The following SYNE2 variants were observed in gnomAD, a reference collection of about 807,000 sequenced individuals.
SYNE2 encodes the protein nesprin-2.
Under a neutral mutation model 856.3 loss-of-function variants are expected in SYNE2, and 431 were observed. The ratio of observed to expected loss-of-function variants is 0.50; its 90% CI spans 0.47 to 0.55. The LOEUF (loss-of-function observed/expected upper bound fraction) is 0.55. SYNE2 is among the 20% of genes least tolerant of loss of function. The pLI, the probability that SYNE2 is intolerant of heterozygous loss-of-function variation, is 0.00. For synonymous variants in SYNE2, 2,923 were observed against 2,872.3 expected (o/e 1.02, Z -0.56); for missense variants, 8,129 against 8,023.2 (o/e 1.01, Z -0.50).
intron 54 of SYNE2, 98 bp from the exon 55 acceptor site, chr14:64,078,368 C>A: frequency 6.5e-7 from 1 of 1,535,186 alleles, no homozygotes; most frequent in Non-Finnish European, 8.9e-7. Context: ...AAAATTTTTA[C>A]AAGTTAAAAC....
At chr14:63,872,082 G>A (rs1223046656) in intron 1 of SYNE2, among the ~76,000 whole-genome samples, 1 of 152,092 alleles carries the variant, frequency 6.6e-6, no homozygotes, top group Non-Finnish European at 1.5e-5. Context: ...GCCCGGCCGT[G>A]TCAAGTTGTA....
At chr14:63,964,381 A>G (rs1374500445) in intron 10 of SYNE2, among the ~76,000 whole-genome samples, 1 of 152,224 alleles carries the variant, frequency 6.6e-6, no homozygotes. Context: ...GCCAGTCACT[A>G]CTTTCACACT....
chr14:64,087,496 T>A, intron 57 of SYNE2, 175 bp from the exon 58 acceptor site: 1 of 784,254 alleles, frequency 1.3e-6, no homozygotes, highest in Non-Finnish European at 2.3e-6. Flanking sequence ...AGGTAGATAC[T>A]CTGAAGTCTT....
chr14:63,992,845 C>T (rs758326763), intron 21 of SYNE2, among the ~76,000 whole-genome samples: 7 of 152,120 alleles, frequency 4.6e-5, no homozygotes, highest in Non-Finnish European at 1.0e-4. Context: ...TGGAGGAGAG[C>T]CCTGGAGCTC....
intron 2 of SYNE2, among the ~76,000 whole-genome samples, chr14:63,912,140 AC>A (rs949038883): frequency 6.6e-6 from 1 of 152,176 alleles, no homozygotes; most frequent in African/African-American, 2.4e-5. Context: ...AAGTTCCCAT[AC>A]CTATAAGATG....
chr14:63,913,149 G>A (rs1311939700), intron 2 of SYNE2, among the ~76,000 whole-genome samples: 1 of 152,084 alleles, frequency 6.6e-6, no homozygotes, highest in African/African-American at 2.4e-5. Context: ...TACCCAGGCT[G>A]GTTTTGAACT....
At chr14:63,849,811 C>T (rs138747954), upstream of SYNE2, among the ~76,000 whole-genome samples, 42 of 152,250 alleles carry the variant, frequency 2.8e-4, no homozygotes, top group East Asian at 4.2e-3. Flanking sequence ...TTCCTTAGAC[C>T]ATGATTTTTG....
intron 8 of SYNE2, among the ~76,000 whole-genome samples, chr14:63,960,461 G>A (rs2096295510): frequency 6.6e-6 from 1 of 152,192 alleles, no homozygotes; most frequent in South Asian, 2.1e-4. Context: ...CTAGCTGAAT[G>A]AATAGAGGGT....
Position 64,107,567 on chromosome 14 carries a change from A to C in SYNE2, c.12569A>C (p.Gln4190Pro), listed in dbSNP as rs1178890933. 3.7e-6 allele frequency: 6 copies of C among 1,614,194 alleles called. No individual in the cohort carries two copies. The highest frequency in any genetic ancestry group is 5.1e-6 in the Non-Finnish European group (6 of 1,180,038). Residue 4190 changes from glutamine (Q) to proline (P), a missense_variant, in exon 65 of 116, where the codon CAA (glutamine) becomes CCA (proline). Physicochemically the swap from Gln to Pro is moderately conservative, Grantham distance 76 (BLOSUM62 -1). Around this residue, in one of 3 missense-constraint regions of SYNE2, gnomAD observed 5,410 missense variants for 5,284.8 expected, o/e 1.02. Coordinates refer to ENST00000555002, the MANE Select transcript of SYNE2 (RefSeq NM_182914.3). The stretch of plus-strand genomic sequence containing the variant: ...ACACCAGACTCACTAAACACTGAGC[A>C]AGGCCCAGAATGTTCCCTAAGGCCC... ...ILTPDSLNTE[Q>P]GPECSLRPNQ...
chr14:64,010,513 T>G (rs950478848), intron 32 of SYNE2, among the ~76,000 whole-genome samples: 2 of 152,200 alleles, frequency 1.3e-5, no homozygotes, highest in African/African-American at 4.8e-5. Flanking sequence ...AGCTTTTATT[T>G]ACTGATTTTC....
chr14:63,962,761 C>T (rs2096337906), intron 9 of SYNE2, among the ~76,000 whole-genome samples: 2 of 152,106 alleles, frequency 1.3e-5, no homozygotes, highest in Non-Finnish European at 2.9e-5. Flanking sequence ...AGGCTGGTCT[C>T]GAACTCCTGG....
intron 77 of SYNE2, among the ~76,000 whole-genome samples, chr14:64,133,581 A>G (rs542046919): frequency 6.6e-6 from 1 of 152,280 alleles, no homozygotes; most frequent in South Asian, 2.1e-4. Flanking sequence ...TATACTCCTC[A>G]AAGACACCTT....
Position 64,220,488 on chromosome 14 carries a change from G to C in SYNE2, c.19912G>C (p.Val6638Leu), listed in dbSNP as rs745406249. Residue 6638 changes from valine to leucine, a missense_variant, in exon 111 of 116, where the codon GTG (valine) becomes CTG (leucine). Val to Leu is a conservative substitution (Grantham distance 32). Around this residue, in one of 3 missense-constraint regions of SYNE2, gnomAD observed 5,410 missense variants for 5,284.8 expected, o/e 1.02. Transcript: ENST00000555002. ...TYKALVVSVN[V>L]SSKEFLQTES... ...CAAGGCATTAGTGGTCTCTGTCAAC[G>C]TGAGCAGCAAGGAATTTCTGCAAAC... The C allele has an allele frequency of 3.7e-6, 6 of 1,614,202 alleles. No homozygotes were observed. In the South Asian group the frequency reaches 4.4e-5, roughly 12 times the overall value.
intron 66 of SYNE2, among the ~76,000 whole-genome samples, chr14:64,117,471 A>AT (rs1414490345): frequency 6.6e-6 from 1 of 151,712 alleles, no homozygotes; most frequent in Non-Finnish European, 1.5e-5. Context: ...GGCTAATTTT[A>AT]TTTTTTGTAG....
intron 96 of SYNE2, among the ~76,000 whole-genome samples, chr14:64,186,173 A>G (rs956257383): frequency 6.6e-6 from 1 of 152,232 alleles, no homozygotes; most frequent in African/African-American, 2.4e-5. Context: ...AATAAATTCT[A>G]TCAAAATCAG....
At position 64,214,108 on chromosome 14, in the gene SYNE2, C is replaced by G. The variant is rs2098654913; in HGVS notation, c.19057-86C>G. 19 of 1,603,732 alleles carry G rather than the reference C, an allele frequency of 1.2e-5. 1 individual carries two copies. The South Asian group carries it at 2.1e-4, about 18-fold the overall frequency. ...TACTATTGGCAGTTATTTTTGGAAA[C>G]TGCTAGATAGGCAGACTTCTCATGC... On this transcript the variant is annotated intron_variant, in intron 105 of 115. Transcript: ENST00000555002.
intron 49 of SYNE2, among the ~76,000 whole-genome samples, chr14:64,060,280 G>T (rs960242100): frequency 7.9e-5 from 12 of 152,254 alleles, no homozygotes; most frequent in South Asian, 2.1e-4. Context: ...GCATGTCTCA[G>T]TCTCACCCAA....
At chr14:64,114,714 C>T (rs1192302901) in intron 66 of SYNE2, among the ~76,000 whole-genome samples, 1 of 151,690 alleles carries the variant, frequency 6.6e-6, no homozygotes, top group Non-Finnish European at 1.5e-5. Flanking sequence ...ACTTCCTGGG[C>T]TCAGGTGATC....
chr14:64,091,627 C>T (rs1024855327), intron 60 of SYNE2, among the ~76,000 whole-genome samples: 5 of 152,272 alleles, frequency 3.3e-5, no homozygotes, highest in Admixed American at 2.6e-4. Flanking sequence ...TTCATCTTCT[C>T]CCCAGAGGGG....
Sources: allele counts gnomAD v4.1 joint callset (sites outside exome capture counted in the v4.1 genomes callset), GRCh38; gene constraint gnomAD v4.1.1; regional missense constraint gnomAD v4.1.1; transcripts MANE v1.5; gene names NCBI Gene and HGNC (gene_info 2026-07-23, HGNC 2026-07-21).